The following CSMD1 variants were observed in gnomAD, a reference collection of about 807,000 sequenced individuals.
CSMD1 encodes the protein CUB and Sushi multiple domains 1, also known as CUB and sushi domain-containing protein 1.
Under a neutral mutation model 417.5 loss-of-function variants are expected in CSMD1, and 213 were observed. The ratio of observed to expected loss-of-function variants is 0.51; its 90% CI spans 0.46 to 0.57. CSMD1 has a LOEUF of 0.57. CSMD1 is among the 20% of genes least tolerant of loss of function. The pLI, the probability that CSMD1 is intolerant of heterozygous loss-of-function variation, is 0.00. For missense variants in CSMD1, 6,923 were observed against 4,529.7 expected (o/e 1.53, Z -15.17); for synonymous variants, 2,862 against 1,736.8 (o/e 1.65, Z -16.11).
At chr8:3,067,905 G>C (rs919284601) in intron 49 of CSMD1, among the ~76,000 whole-genome samples, 3 of 152,036 alleles carry the variant, frequency 2.0e-5, no homozygotes, top group Non-Finnish European at 4.4e-5. Flanking sequence ...AGAAATATTA[G>C]ATGATTTATC....
chr8:3,488,026 C>T (rs1818156809), intron 11 of CSMD1, among the ~76,000 whole-genome samples: 1 of 146,358 alleles, frequency 6.8e-6, no homozygotes, highest in African/African-American at 2.6e-5. Flanking sequence ...TCAAAATATA[C>T]TTAGAAGAGG....
At chr8:4,441,095 G>GTTATTTTTTT in intron 2 of CSMD1, among the ~76,000 whole-genome samples, 1 of 51,296 alleles carries the variant, frequency 1.9e-5, no homozygotes, top group Non-Finnish European at 3.6e-5. Context: ...TAATCAAAAG[G>GTTATTTTTTT]TTTTTTTTTT....
At chr8:4,104,046 G>A (rs761223722) in intron 3 of CSMD1, among the ~76,000 whole-genome samples, 2 of 152,190 alleles carry the variant, frequency 1.3e-5, no homozygotes, top group African/African-American at 2.4e-5. Flanking sequence ...GCCCTTCTGG[G>A]CATTACTCAA....
chr8:3,445,730 G>T (rs1210292465), intron 12 of CSMD1, among the ~76,000 whole-genome samples: 1 of 152,060 alleles, frequency 6.6e-6, no homozygotes, highest in South Asian at 2.1e-4. Context: ...TGATTTATTC[G>T]AATAAAGTCC....
intron 1 of CSMD1, among the ~76,000 whole-genome samples, chr8:4,857,945 G>A (rs1801898284): frequency 1.3e-5 from 2 of 151,950 alleles, no homozygotes; most frequent in Non-Finnish European, 2.9e-5. Flanking sequence ...ACCAAAGCCA[G>A]GCAGAGACAC....
At chr8:4,418,178 C>G (rs1309451974) in intron 3 of CSMD1, among the ~76,000 whole-genome samples, 1 of 151,902 alleles carries the variant, frequency 6.6e-6, no homozygotes, top group African/African-American at 2.4e-5. Flanking sequence ...CAACATCAGA[C>G]TATAATATCA....
chr8:4,049,689 T>G (rs1483318226), intron 3 of CSMD1, among the ~76,000 whole-genome samples: 2 of 152,164 alleles, frequency 1.3e-5, no homozygotes, highest in Non-Finnish European at 2.9e-5. Context: ...TTTTATGAAT[T>G]CTTAATAAAT....
chr8:3,029,356 C>G lies in CSMD1; in HGVS notation c.7818G>C (p.Gly2606=). The change falls in exon 51 of 70, where the codon GGG becomes GGC. Residue 2606 remains glycine, a synonymous_variant. Transcript: ENST00000635120. ...GCCTCTCATCTCCTATGTTCCACGTCCCATTGGCCTGGCACCGCAGGAGCC... is the reference window on the plus strand; with the variant it reads ...GCCTCTCATCTCCTATGTTCCACGTGCCATTGGCCTGGCACCGCAGGAGCC... The part of the protein sequence containing the change: ...GWRLLRCQAN[G]TWNIGDERPS... The G allele has an allele frequency of 6.2e-7, 1 of 1,610,912 alleles. No individual in the cohort carries two copies. The highest frequency in any genetic ancestry group is 8.5e-7 in the Non-Finnish European group (1 of 1,179,346).
chr8:3,497,625 G>C (rs1001892843), intron 10 of CSMD1, among the ~76,000 whole-genome samples: 1 of 152,138 alleles, frequency 6.6e-6, no homozygotes, highest in Admixed American at 6.5e-5. Context: ...ATTCCTGCTA[G>C]TTTTTGGTTT....
At chr8:4,092,065 G>C (rs1038938128) in intron 3 of CSMD1, among the ~76,000 whole-genome samples, 1 of 152,124 alleles carries the variant, frequency 6.6e-6, no homozygotes, top group Non-Finnish European at 1.5e-5. Context: ...TTCATTGCTA[G>C]CACTACTTAG....
chr8:3,228,860 A>C (rs1373402832), intron 27 of CSMD1, among the ~76,000 whole-genome samples: 1 of 151,970 alleles, frequency 6.6e-6, no homozygotes, highest in Non-Finnish European at 1.5e-5. Context: ...CAATCACTCC[A>C]CTTTAAAAAA....
chr8:3,195,921 G>A (rs1461833778), intron 33 of CSMD1, among the ~76,000 whole-genome samples: 1 of 152,162 alleles, frequency 6.6e-6, no homozygotes, highest in African/African-American at 2.4e-5. Context: ...TTGATCCAGA[G>A]TGACTCCATC....
chr8:3,885,072 A>T (rs1014301230), intron 5 of CSMD1, among the ~76,000 whole-genome samples: 3 of 152,020 alleles, frequency 2.0e-5, no homozygotes, highest in Non-Finnish European at 4.4e-5. Context: ...CCATGCTTAT[A>T]AAGCAAGTAG....
intron 18 of CSMD1, among the ~76,000 whole-genome samples, chr8:3,372,200 G>C (rs1810000086): frequency 6.6e-6 from 1 of 152,128 alleles, no homozygotes. Flanking sequence ...ACTTGAGAGA[G>C]ACAAAGGAAA....
At chr8:3,889,494 AAAT>A in intron 5 of CSMD1, among the ~76,000 whole-genome samples, 1 of 38,488 alleles carries the variant, frequency 2.6e-5, no homozygotes, top group Non-Finnish European at 5.1e-5. Flanking sequence ...TATATATATA[AAAT>A]ATGCTCATTA....
chr8:3,969,655 G>A (rs778009744), intron 5 of CSMD1, among the ~76,000 whole-genome samples: 1 of 152,144 alleles, frequency 6.6e-6, no homozygotes, highest in African/African-American at 2.4e-5. Context: ...TTTAAAAAGT[G>A]TAAAGGTTCC....
intron 2 of CSMD1, among the ~76,000 whole-genome samples, chr8:4,484,936 G>A (rs1445309492): frequency 7.6e-6 from 1 of 131,798 alleles, no homozygotes; most frequent in Non-Finnish European, 1.5e-5. Flanking sequence ...TCGTGCCACT[G>A]CACTCCAGCA....
rs1554461819 is a variant in CSMD1 at position 3,541,746 on chromosome 8, A to ATAT, written c.1344+33198_1344+33199insATA. 8.2e-3 allele frequency among the ~76,000 whole-genome samples: 1,153 copies of ATAT among 140,632 alleles called. 17 individuals are homozygous for ATAT. The highest frequency in any genetic ancestry group is 0.03 in the African/African-American group (1,084 of 35,768). 92.3% of individuals were successfully genotyped at this position (140,632 alleles called of 152,430 possible). On this transcript the variant is annotated intron_variant, in intron 10 of 69. Coordinates refer to ENST00000635120, the MANE Select transcript of CSMD1 (RefSeq NM_033225.6). The stretch of plus-strand genomic sequence containing the variant: ...ATTAAAAATTATAAAATATTATATA[A>ATAT]ATATATATAAACAAAATAATATCAA...
intron 10 of CSMD1, among the ~76,000 whole-genome samples, chr8:3,533,779 G>A (rs186765131): frequency 6.6e-6 from 1 of 152,118 alleles, no homozygotes; most frequent in Admixed American, 6.5e-5. Context: ...CCTTACTCTT[G>A]TAACTATCAC....
Sources: gnomAD v4.1 joint callset for allele counts (sites outside exome capture counted in the v4.1 genomes callset) on GRCh38, gnomAD v4.1.1 for gene constraint, MANE v1.5 for transcripts, NCBI Gene and HGNC (gene_info 2026-07-23, HGNC 2026-07-21) for gene names.